Variants in AUTS2 observed in about 807,000 individuals in gnomAD.
The protein encoded by AUTS2 is activator of transcription and developmental regulator AUTS2.
AUTS2 carries 17 observed loss-of-function variants against 112.4 expected under a neutral mutation model. The ratio of observed to expected loss-of-function variants is 0.15; its 90% CI spans 0.10 to 0.23. The LOEUF is 0.23. Ranked by LOEUF, AUTS2 falls within the 10% of genes least tolerant of loss-of-function variation. The pLI is 1.00. For synonymous variants in AUTS2, 751 were observed against 702.7 expected (o/e 1.07, Z -1.09); for missense variants, 1,510 against 1,701.6 (o/e 0.89, Z 1.98).
rs1235036958 is a variant in AUTS2, at chr7:69,839,157, G to A, written c.310-60129G>A. Among the ~76,000 whole-genome samples, 4 of 152,086 alleles carry A rather than the reference G, an allele frequency of 2.6e-5. No homozygotes were observed. The East Asian group carries it at 7.7e-4, about 29-fold the overall frequency. Reference sequence around the variant, plus strand: ...ACCCCTTTGCCTGCTGACAGTCTCTGGGCTGGAGTTAACATTAACATCTGC... The same window carrying A: ...ACCCCTTTGCCTGCTGACAGTCTCTAGGCTGGAGTTAACATTAACATCTGC... On this transcript the variant is annotated intron_variant, in intron 1 of 18. Transcript: ENST00000342771.
At chr7:70,503,773 C>A (rs984499994) in intron 5 of AUTS2, among the ~76,000 whole-genome samples, 7 of 151,398 alleles carry the variant, frequency 4.6e-5, no homozygotes, top group Non-Finnish European at 1.0e-4. Flanking sequence ...CCCACCTTGG[C>A]CTCCCAAAAT....
intron 3 of AUTS2, chr7:70,119,986 C>T (rs552507407): frequency 1.3e-5 from 2 of 151,794 alleles, no homozygotes; most frequent in Admixed American, 6.6e-5. Context: ...GTTTAACGAG[C>T]GGGGAATAAT....
Position 70,748,341 on chromosome 7 carries a change from A to T in AUTS2, c.743-14529A>T, listed in dbSNP as rs373145144. Reference sequence around the variant, plus strand: ...TACATGGATGTTTTATAGAAAATCAATGTAAAGGTTGATAGACTTGTCCTT... The same window carrying T: ...TACATGGATGTTTTATAGAAAATCATTGTAAAGGTTGATAGACTTGTCCTT... On this transcript the variant is annotated intron_variant, in intron 6 of 18. Transcript: ENST00000342771. Among the ~76,000 whole-genome samples the T allele has an allele frequency of 2.7e-4, 41 of 152,332 alleles. 1 individual carries two copies. The South Asian group carries it at 7.9e-3, about 29-fold the overall frequency.
At chr7:70,783,359 T>A (rs969092910) in intron 15 of AUTS2, 19 of 152,166 alleles carry the variant, frequency 1.2e-4, no homozygotes, top group African/African-American at 4.3e-4. Flanking sequence ...CGAACTACTG[T>A]GACGGGGATG....
chr7:70,473,782 TAAC>T (rs1056986416), intron 5 of AUTS2, among the ~76,000 whole-genome samples: 3 of 151,678 alleles, frequency 2.0e-5, no homozygotes, highest in African/African-American at 7.3e-5. Context: ...GATCTCCTCT[TAAC>T]AAGTGAGAGC....
At chr7:70,327,004 A>G (rs1790520648) in intron 4 of AUTS2, among the ~76,000 whole-genome samples, 1 of 135,836 alleles carries the variant, frequency 7.4e-6, no homozygotes, top group Non-Finnish European at 1.5e-5. Context: ...TGCAACCTCC[A>G]CCTTCTGGGT....
At chr7:70,715,120 A>G (rs1585558236) in intron 6 of AUTS2, among the ~76,000 whole-genome samples, 1 of 152,364 alleles carries the variant, frequency 6.6e-6, no homozygotes, top group East Asian at 1.9e-4. Flanking sequence ...ACACTCAAAT[A>G]TAATACAAGG....
At chr7:70,599,953 A>C (rs1002727977) in intron 5 of AUTS2, among the ~76,000 whole-genome samples, 23 of 152,218 alleles carry the variant, frequency 1.5e-4, no homozygotes, top group African/African-American at 5.3e-4. Context: ...ATTCTGGGTC[A>C]CTGGTTCTCA....
At chr7:70,259,472 G>A (rs535987295) in intron 4 of AUTS2, among the ~76,000 whole-genome samples, 32 of 152,262 alleles carry the variant, frequency 2.1e-4, no homozygotes, top group Admixed American at 2.0e-3. Flanking sequence ...TCAAGGACCT[G>A]GCATGCCCAT....
chr7:69,912,621 G>T (rs1448953254), intron 2 of AUTS2, among the ~76,000 whole-genome samples: 1 of 152,166 alleles, frequency 6.6e-6, no homozygotes, highest in Non-Finnish European at 1.5e-5. Context: ...CCGTTTTCAT[G>T]GTCATTCTGC....
intron 6 of AUTS2, among the ~76,000 whole-genome samples, chr7:70,750,403 C>T (rs1788735060): frequency 6.7e-6 from 1 of 149,376 alleles, no homozygotes. Flanking sequence ...CAGCTCACTG[C>T]AGCCTCTACC....
chr7:70,382,546 T>G lies in AUTS2; in HGVS notation c.661-53206T>G, dbSNP rs146002877. On this transcript the variant is annotated intron_variant, in intron 4 of 18. Coordinates refer to ENST00000342771, the MANE Select transcript of AUTS2 (RefSeq NM_015570.4). ...CGCCACCCTCCCTTTCAAATCTGAC[T>G]TCTCCACTACAGGTACCTGTACCTA... is the stretch of plus-strand genomic sequence containing the variant. Among the ~76,000 whole-genome samples the G allele has an allele frequency of 7.9e-5, 12 of 152,336 alleles. No individual in the cohort carries two copies. The East Asian group carries it at 2.3e-3, about 29-fold the overall frequency.
chr7:69,864,368 T>C (rs1223797801), intron 1 of AUTS2, among the ~76,000 whole-genome samples: 1 of 152,214 alleles, frequency 6.6e-6, no homozygotes, highest in Non-Finnish European at 1.5e-5. Flanking sequence ...GATGCAGCTC[T>C]CTCCTGTTGC....
At chr7:70,436,839 A>C (rs17141610) in intron 5 of AUTS2, 5 of 152,226 alleles carry the variant, frequency 3.3e-5, no homozygotes, top group Non-Finnish European at 4.4e-5. Flanking sequence ...TGAATTCAGC[A>C]TATGTAGCCT....
chr7:70,602,775 G>T (rs926765004), intron 5 of AUTS2, among the ~76,000 whole-genome samples: 7 of 152,146 alleles, frequency 4.6e-5, no homozygotes, highest in African/African-American at 1.4e-4. Flanking sequence ...AGTGGATCAG[G>T]ACATTTGTGT....
At chr7:70,652,213 A>G (rs972576445) in intron 5 of AUTS2, among the ~76,000 whole-genome samples, 4 of 152,192 alleles carry the variant, frequency 2.6e-5, no homozygotes, top group African/African-American at 9.7e-5. Flanking sequence ...TCATTTTGAG[A>G]TGAATACTGA....
At chr7:69,936,873 C>A (rs1796433740) in intron 2 of AUTS2, among the ~76,000 whole-genome samples, 2 of 151,900 alleles carry the variant, frequency 1.3e-5, no homozygotes, top group Non-Finnish European at 2.9e-5. Context: ...CATCTCTGTC[C>A]CTTTCTCCTT....
intron 1 of AUTS2, among the ~76,000 whole-genome samples, chr7:69,870,448 A>AATATATAT (rs11467258): frequency 0.013 from 1,051 of 78,962 alleles, 63 homozygotes; most frequent in Middle Eastern, 0.044. Context: ...ATGTGTGTGT[A>AATATATAT]ATATATATAT....
At chr7:69,765,359 A>G (rs2129290834) in intron 1 of AUTS2, among the ~76,000 whole-genome samples, 1 of 152,350 alleles carries the variant, frequency 6.6e-6, no homozygotes, top group African/African-American at 2.4e-5. Context: ...TTAAGAATTC[A>G]AAGCGGGTGT....
Sources: gnomAD v4.1 joint callset for allele counts (sites outside exome capture counted in the v4.1 genomes callset) on GRCh38, gnomAD v4.1.1 for gene constraint, MANE v1.5 for transcripts, NCBI Gene and HGNC (gene_info 2026-07-23, HGNC 2026-07-21) for gene names.